The following ITSN1 variants were observed in gnomAD, a reference collection of about 807,000 sequenced individuals.
ITSN1 encodes the protein intersectin 1, also known as intersectin-1.
ITSN1 carries 58 observed loss-of-function variants against 239.8 expected under a neutral mutation model. That is an observed-to-expected ratio of 0.24 (90% CI 0.20 to 0.30). The LOEUF (loss-of-function observed/expected upper bound fraction) is 0.30, where lower values mean the gene tolerates loss of function less well. ITSN1 is among the 10% of genes least tolerant of loss of function. ITSN1 has a pLI of 1.00. For missense variants in ITSN1, 1,558 were observed against 2,103.3 expected, an observed-to-expected ratio of 0.74 and a Z score of 5.07; for synonymous variants, 780 against 770.8, an observed-to-expected ratio of 1.01 and a Z score of -0.20.
chr21:33,836,590 A>G lies in ITSN1; in HGVS notation c.3619A>G (p.Asn1207Asp). ...TGGACAAGTGGGGCTCTTCCCATCC[A>G]ATTATGTGAAGCTGACCACAGACAT... ...VNGQVGLFPS[N>D]YVKLTTDMDP... The change falls in exon 29 of 40, where the codon AAT becomes GAT. Residue 1207 changes from asparagine (N) to aspartate (D), a missense_variant. Around this residue, in one of 2 missense-constraint regions of ITSN1, gnomAD observed 576 missense variants for 893.3 expected, o/e 0.64. Transcript: ENST00000381318. The G allele has an allele frequency of 6.2e-7, 1 of 1,614,122 alleles. No individual in the cohort carries two copies. Among genetic ancestry groups the G allele is most frequent in the Non-Finnish European group, 8.5e-7 (1 of 1,179,998 alleles).
intron 9 of ITSN1, 84 bp downstream of exon 9, chr21:33,762,070 G>A (rs915636180): frequency 5.2e-5 from 48 of 918,250 alleles, no homozygotes; most frequent in Non-Finnish European, 6.7e-5. Context: ...GATTAATACC[G>A]TTTTTTATGG....
chr21:33,824,361 G>A (rs115829669), intron 25 of ITSN1, among the ~76,000 whole-genome samples: 2,032 of 152,252 alleles, frequency 0.013, 49 homozygotes, highest in African/African-American at 0.046. Context: ...CCACTTGCAC[G>A]TTAGTGGAGA....
chr21:33,749,125 C>T (rs1174968062), intron 5 of ITSN1, among the ~76,000 whole-genome samples: 1 of 151,658 alleles, frequency 6.6e-6, no homozygotes, highest in African/African-American at 2.4e-5. Context: ...TGTAGCTAGG[C>T]CTACAGGCGG....
chr21:33,690,775 GTATATA>G lies in ITSN1; in HGVS notation c.-32-28013_-32-28008del, dbSNP rs1160314187. On this transcript the variant is annotated intron_variant, in intron 1 of 39. Transcript: ENST00000381318. ...GGCTCTGCCTCAGAAAAAAAAAAGTGTATATATATATATACATATATATATATATAT... is the reference window on the plus strand; with the variant it reads ...GGCTCTGCCTCAGAAAAAAAAAAGTGTATATATACATATATATATATATAT... Among the ~76,000 whole-genome samples the G allele has an allele frequency of 9.2e-4, 20 of 21,624 alleles. 1 individual carries two copies. The highest frequency in any genetic ancestry group is 3.1e-3 in the African/African-American group (19 of 6,194). 14.2% of individuals were successfully genotyped at this position (21,624 alleles called of 152,430 possible).
intron 39 of ITSN1, 67 bp from the exon 40 acceptor site, chr21:33,888,085 T>G (rs1986065695): frequency 6.5e-7 from 1 of 1,546,484 alleles, no homozygotes; most frequent in Non-Finnish European, 8.8e-7. Flanking sequence ...GTCCCCAATA[T>G]GCCAGACATG....
At chr21:33,761,102 G>A (rs748528463) in intron 8 of ITSN1, among the ~76,000 whole-genome samples, 9 of 149,646 alleles carry the variant, frequency 6.0e-5, no homozygotes, top group Non-Finnish European at 1.2e-4. Flanking sequence ...TTGAGACAGT[G>A]TCTCACTCTG....
intron 1 of ITSN1, among the ~76,000 whole-genome samples, chr21:33,674,021 C>T (rs2090453659): frequency 6.6e-6 from 1 of 152,166 alleles, no homozygotes; most frequent in African/African-American, 2.4e-5. Flanking sequence ...TGTTATTACT[C>T]AGGAATCTGG....
chr21:33,823,510 G>A lies in ITSN1; in HGVS notation c.3040G>A (p.Glu1014Lys), dbSNP rs1485739200. 7.4e-6 allele frequency: 12 copies of A among 1,613,960 alleles called. No individual in the cohort carries two copies. The highest frequency in any genetic ancestry group is 2.7e-5 in the African/African-American group (2 of 75,020). ...AGAATTTATTGCCATGTACACTTAC[G>A]AGAGTTCTGAGCAAGGAGATTTAAC... ...GEEFIAMYTY[E>K]SSEQGDLTFQ... Residue 1014 changes from glutamate to lysine, a missense_variant, in exon 25 of 40, where the codon GAG becomes AAG. Glu to Lys is a moderately conservative substitution (Grantham distance 56, BLOSUM62 1). This residue lies in a region of ITSN1 where 982 missense variants were observed against 1,209.9 expected (regional missense o/e 0.81). Coordinates refer to ENST00000381318, the MANE Select transcript of ITSN1 (RefSeq NM_003024.3).
intron 11 of ITSN1, among the ~76,000 whole-genome samples, chr21:33,771,527 G>A (rs149417301): frequency 6.6e-6 from 1 of 152,314 alleles, no homozygotes; most frequent in African/African-American, 2.4e-5. Flanking sequence ...TATAATTGAT[G>A]TGTTAAAGAA....
chr21:33,800,599 TTTG>T (rs2071918095), intron 19 of ITSN1, among the ~76,000 whole-genome samples: 1 of 152,176 alleles, frequency 6.6e-6, no homozygotes, highest in Non-Finnish European at 1.5e-5. Context: ...AGAATTTTGC[TTTG>T]TTATTGTTTC....
At chr21:33,873,520 C>G (rs1331320407) in intron 33 of ITSN1, among the ~76,000 whole-genome samples, 1 of 152,192 alleles carries the variant, frequency 6.6e-6, no homozygotes, top group East Asian at 1.9e-4. Context: ...TCTCCACACA[C>G]CATATAAAGG....
At chr21:33,752,158 A>G (rs140814111) in intron 7 of ITSN1, among the ~76,000 whole-genome samples, 1,930 of 151,748 alleles carry the variant, frequency 0.013, 43 homozygotes, top group African/African-American at 0.043. Flanking sequence ...TTTTTTTTAA[A>G]GAGGATAACA....
intron 16 of ITSN1, among the ~76,000 whole-genome samples, chr21:33,783,897 G>C (rs2070407278): frequency 6.6e-6 from 1 of 152,094 alleles, no homozygotes; most frequent in Admixed American, 6.6e-5. Context: ...AGAGGCTTTT[G>C]ATAAATGTCT....
chr21:33,784,924 C>T (rs1355253081), intron 16 of ITSN1, among the ~76,000 whole-genome samples: 3 of 152,196 alleles, frequency 2.0e-5, no homozygotes, highest in Non-Finnish European at 4.4e-5. Flanking sequence ...AGAGCATCCA[C>T]GCTGTTGATG....
At position 33,888,543 on chromosome 21, in the gene ITSN1, G is replaced by A. The variant is rs1986120141; in HGVS notation, c.*243G>A. The A allele has an allele frequency of 2.4e-6, 1 of 414,830 alleles. No individual in the cohort carries two copies. Among genetic ancestry groups the A allele is most frequent in the Non-Finnish European group, 4.3e-6 (1 of 232,314 alleles). 25.7% of individuals were successfully genotyped at this position (414,830 alleles called of 1,614,324 possible). A position where few individuals can be genotyped will look rare whatever the true frequency, so the allele number is the denominator to read the frequency against. ...TTGTCCTCACTACAGGTCTCATTAT[G>A]GCTTCTAGGGTCGCTGAAATCCCAT... On this transcript the variant is annotated 3_prime_UTR_variant, in exon 40 of 40. Transcript: ENST00000381318.
intron 1 of ITSN1, among the ~76,000 whole-genome samples, chr21:33,707,326 A>G (rs1313465897): frequency 6.6e-6 from 1 of 151,996 alleles, no homozygotes; most frequent in Non-Finnish European, 1.5e-5. Context: ...GGGTCTCACT[A>G]TGTTGCCCAG....
chr21:33,679,214 C>A (rs145815876), intron 1 of ITSN1, among the ~76,000 whole-genome samples: 4 of 152,172 alleles, frequency 2.6e-5, no homozygotes, highest in African/African-American at 9.6e-5. Context: ...GTGTGTTATT[C>A]CCTTTGTGTG....
intron 1 of ITSN1, among the ~76,000 whole-genome samples, chr21:33,660,122 A>G (rs773041277): frequency 4.6e-5 from 7 of 152,012 alleles, no homozygotes; most frequent in Non-Finnish European, 8.8e-5. Context: ...CCAGGCCTTT[A>G]TATATTTTTT....
At chr21:33,792,278 C>T (rs944441338) in intron 16 of ITSN1, among the ~76,000 whole-genome samples, 1 of 152,160 alleles carries the variant, frequency 6.6e-6, no homozygotes, top group African/African-American at 2.4e-5. Context: ...GATCTTGGCT[C>T]ACTGCAAGCT....
Sources: gnomAD v4.1 joint callset for allele counts (sites outside exome capture counted in the v4.1 genomes callset) on GRCh38, gnomAD v4.1.1 for gene constraint, gnomAD v4.1.1 regional missense constraint, MANE v1.5 for transcripts, NCBI Gene and HGNC (gene_info 2026-07-23, HGNC 2026-07-21) for gene names.